TSHZ2: variants seen among roughly 807,000 people sequenced by gnomAD.
TSHZ2 encodes teashirt homolog 2.
In TSHZ2, 21 loss-of-function variants were observed where a neutral mutation model predicts 74.4. The ratio of observed to expected loss-of-function variants is 0.28; its 90% CI spans 0.20 to 0.41. The LOEUF (loss-of-function observed/expected upper bound fraction) is 0.41, where lower values mean the gene tolerates loss of function less well. Ranked by LOEUF, TSHZ2 falls within the 10% of genes least tolerant of loss-of-function variation. TSHZ2 has a pLI of 1.00. For missense variants in TSHZ2, 1,244 were observed against 1,293.5 expected, an observed-to-expected ratio of 0.96 and a Z score of 0.59; for synonymous variants, 540 against 515.3, an observed-to-expected ratio of 1.05 and a Z score of -0.65.
chr20:53,164,865 TA>T (rs1167595868), intron 1 of TSHZ2, among the ~76,000 whole-genome samples: 1 of 152,212 alleles, frequency 6.6e-6, no homozygotes, highest in Non-Finnish European at 1.5e-5. Context: ...AGGAATTCTA[TA>T]AAATAAACAT....
At chr20:53,030,371 T>C (rs1457097698) in intron 1 of TSHZ2, among the ~76,000 whole-genome samples, 1 of 148,516 alleles carries the variant, frequency 6.7e-6, no homozygotes, top group Non-Finnish European at 1.5e-5. Flanking sequence ...AAAAAAATAG[T>C]CAACCTGGGT....
intron 1 of TSHZ2, among the ~76,000 whole-genome samples, chr20:52,989,947 A>G (rs1981917385): frequency 1.3e-5 from 2 of 151,580 alleles, no homozygotes; most frequent in South Asian, 2.1e-4. Flanking sequence ...GTTTTAATAT[A>G]TATACATACT....
intron 1 of TSHZ2, chr20:53,179,428 G>A (rs1988420487): frequency 6.6e-6 from 1 of 152,186 alleles, no homozygotes; most frequent in African/African-American, 2.4e-5. Context: ...CTTACAGAAA[G>A]TACATAAGCA....
intron 2 of TSHZ2, among the ~76,000 whole-genome samples, chr20:53,284,696 T>A (rs1991130865): frequency 6.6e-6 from 1 of 151,814 alleles, no homozygotes; most frequent in African/African-American, 2.4e-5. Context: ...TTGTTGGGAT[T>A]TTCCCCCCTA....
intron 2 of TSHZ2, among the ~76,000 whole-genome samples, chr20:53,336,799 T>C (rs971644667): frequency 6.6e-6 from 1 of 152,236 alleles, no homozygotes; most frequent in African/African-American, 2.4e-5. Flanking sequence ...TATGCATATG[T>C]ATATAATGTA....
intron 2 of TSHZ2, among the ~76,000 whole-genome samples, chr20:53,418,540 G>A (rs768664926): frequency 3.9e-5 from 6 of 152,142 alleles, no homozygotes; most frequent in East Asian, 1.9e-4. Flanking sequence ...GAGCTTGTGC[G>A]AGGAAACTCC....
At chr20:53,275,456 C>T (rs6022369) in intron 2 of TSHZ2, among the ~76,000 whole-genome samples, 53,522 of 151,726 alleles carry the variant, frequency 0.35, 11,433 homozygotes, top group African/African-American at 0.61. Flanking sequence ...TAATACATGG[C>T]ATTAACTGGG....
At chr20:53,136,840 A>G (rs1987257071) in intron 1 of TSHZ2, among the ~76,000 whole-genome samples, 1 of 151,488 alleles carries the variant, frequency 6.6e-6, no homozygotes, top group African/African-American at 2.4e-5. Context: ...AGATGTTTGG[A>G]TTTTTTTTCC....
At chr20:53,246,792 A>C (rs1358270546) in intron 1 of TSHZ2, among the ~76,000 whole-genome samples, 2 of 152,246 alleles carry the variant, frequency 1.3e-5, no homozygotes, top group Non-Finnish European at 2.9e-5. Context: ...GGAGAAATTC[A>C]CAAAATGTGA....
At chr20:53,215,102 G>A (rs1449025308) in intron 1 of TSHZ2, among the ~76,000 whole-genome samples, 2 of 152,144 alleles carry the variant, frequency 1.3e-5, no homozygotes, top group East Asian at 3.8e-4. Context: ...TTGCAGGGAG[G>A]TTGTTTGTTT....
At chr20:53,043,294 G>A (rs1171087664) in intron 1 of TSHZ2, among the ~76,000 whole-genome samples, 1 of 152,126 alleles carries the variant, frequency 6.6e-6, no homozygotes, top group Non-Finnish European at 1.5e-5. Context: ...CTCAACAGGA[G>A]GTGGTTTTGC....
At chr20:53,250,386 CCTGTTCTGG>C (rs1444436470) in intron 1 of TSHZ2, among the ~76,000 whole-genome samples, 3 of 152,144 alleles carry the variant, frequency 2.0e-5, no homozygotes, top group African/African-American at 7.2e-5. Flanking sequence ...TCAGATCACC[CCTGTTCTGG>C]CTGCCTTTCC....
chr20:53,243,332 C>A (rs1990115797), intron 1 of TSHZ2, among the ~76,000 whole-genome samples: 1 of 152,138 alleles, frequency 6.6e-6, no homozygotes, highest in South Asian at 2.1e-4. Flanking sequence ...CAGGTCATTG[C>A]ACTCTATGAG....
At chr20:53,076,295 A>G (rs1985361808) in intron 1 of TSHZ2, among the ~76,000 whole-genome samples, 1 of 152,224 alleles carries the variant, frequency 6.6e-6, no homozygotes, top group Non-Finnish European at 1.5e-5. Context: ...GTGGAGTGAT[A>G]TTAACCAGAA....
At chr20:53,166,328 C>T (rs1014454619) in intron 1 of TSHZ2, among the ~76,000 whole-genome samples, 4 of 152,022 alleles carry the variant, frequency 2.6e-5, no homozygotes, top group Non-Finnish European at 5.9e-5. Flanking sequence ...TTGAATAAGG[C>T]GAATTTGGGC....
intron 1 of TSHZ2, among the ~76,000 whole-genome samples, chr20:52,994,348 G>GGATA (rs1982094121): frequency 6.6e-6 from 1 of 152,080 alleles, no homozygotes; most frequent in Non-Finnish European, 1.5e-5. Context: ...ATGGATGAAT[G>GGATA]GATAGATGGA....
intron 2 of TSHZ2, among the ~76,000 whole-genome samples, chr20:53,262,802 G>GA (rs1414127043): frequency 6.6e-6 from 1 of 152,142 alleles, no homozygotes; most frequent in African/African-American, 2.4e-5. Context: ...GGAGTTTGTT[G>GA]AAAATCAGTG....
At chr20:53,282,537 T>G (rs560183720) in intron 2 of TSHZ2, among the ~76,000 whole-genome samples, 1 of 152,338 alleles carries the variant, frequency 6.6e-6, no homozygotes, top group Non-Finnish European at 1.5e-5. Context: ...GGTTCAGGTA[T>G]AAGCCCCTCA....
chr20:53,116,141 A>G (rs1272478750), intron 1 of TSHZ2, among the ~76,000 whole-genome samples: 1 of 152,242 alleles, frequency 6.6e-6, no homozygotes, highest in East Asian at 1.9e-4. Context: ...AATGGTTCTT[A>G]TCAGAATTAG....
Sources: gnomAD v4.1 joint callset for allele counts (sites outside exome capture counted in the v4.1 genomes callset) on GRCh38, gnomAD v4.1.1 for gene constraint, MANE v1.5 for transcripts, NCBI Gene and HGNC (gene_info 2026-07-23, HGNC 2026-07-21) for gene names.